Variants in SYNPR observed in about 807,000 individuals in gnomAD.
The protein encoded by SYNPR is synaptoporin.
SYNPR carries 23 observed loss-of-function variants against 32.9 expected under a neutral mutation model. The ratio of observed to expected loss-of-function variants is 0.70; its 90% CI spans 0.50 to 0.99. SYNPR has a LOEUF of 0.99. Among genes scored for constraint, SYNPR ranks in the 50% least tolerant of loss-of-function variants. The probability of loss-of-function intolerance (pLI) is 0.00; values close to 1 mark genes in which losing one functional copy is unlikely to be tolerated. For synonymous variants in SYNPR, 146 were observed against 135.9 expected (o/e 1.07, Z -0.52); for missense variants, 318 against 349.3 (o/e 0.91, Z 0.71).
At position 63,330,948 on chromosome 3, in the gene SYNPR, A is replaced by C. The variant is rs1049403914; in HGVS notation, c.84+52206A>C. On this transcript the variant is annotated intron_variant, in intron 2 of 5. Coordinates refer to ENST00000478300, the MANE Select transcript of SYNPR (RefSeq NM_001130003.2). ...CGATGAAACTGTCTGTTCAGACAAA[A>C]AAAATTAACAGTAAGAGAGACCTAC... 7.9e-5 allele frequency among the ~76,000 whole-genome samples: 12 copies of C among 152,290 alleles called. No homozygotes were observed. The South Asian group carries it at 2.1e-3, about 26-fold the overall frequency.
At chr3:63,536,394 G>A (rs1327848616) in intron 3 of SYNPR, among the ~76,000 whole-genome samples, 1 of 152,098 alleles carries the variant, frequency 6.6e-6, no homozygotes, top group Non-Finnish European at 1.5e-5. Context: ...TTAGGGAAAT[G>A]CAAATCAAAA....
At chr3:63,582,295 T>C (rs1703106643) in intron 4 of SYNPR, among the ~76,000 whole-genome samples, 1 of 152,090 alleles carries the variant, frequency 6.6e-6, no homozygotes, top group African/African-American at 2.4e-5. Context: ...TCTTTATGAG[T>C]AAGAATATCT....
intron 1 of SYNPR, among the ~76,000 whole-genome samples, chr3:63,251,275 C>T (rs4405911): frequency 0.76 from 115,287 of 151,790 alleles, 44,570 homozygotes; most frequent in Middle Eastern, 0.85. Context: ...TGTCCTGCCA[C>T]GAAAAAGTCT....
chr3:63,276,676 TA>T (rs1210044466), upstream of SYNPR, among the ~76,000 whole-genome samples: 48 of 142,722 alleles, frequency 3.4e-4, no homozygotes, highest in African/African-American at 1.2e-3. Context: ...CAACTGTTTC[TA>T]ATTGTTTTAG....
chr3:63,374,589 A>C (rs990040950), intron 2 of SYNPR, among the ~76,000 whole-genome samples: 9 of 152,190 alleles, frequency 5.9e-5, no homozygotes, highest in Non-Finnish European at 1.2e-4. Flanking sequence ...CCTAAAATAA[A>C]AGTTAAAAAA....
chr3:63,349,675 C>A (rs1396805800), intron 2 of SYNPR, among the ~76,000 whole-genome samples: 1 of 152,140 alleles, frequency 6.6e-6, no homozygotes, highest in Non-Finnish European at 1.5e-5. Context: ...TGACACTTTA[C>A]TGAATTTATA....
At chr3:63,502,770 C>T (rs1042305991) in intron 3 of SYNPR, among the ~76,000 whole-genome samples, 3 of 152,180 alleles carry the variant, frequency 2.0e-5, no homozygotes, top group African/African-American at 7.2e-5. Flanking sequence ...TTGGATGTAG[C>T]TCCTTTCTTT....
At chr3:63,365,075 T>C (rs1184787285) in intron 2 of SYNPR, among the ~76,000 whole-genome samples, 1 of 152,132 alleles carries the variant, frequency 6.6e-6, no homozygotes, top group Non-Finnish European at 1.5e-5. Context: ...GATCAGTAAT[T>C]ACAGAAACTA....
chr3:63,526,336 T>G (rs1702012492), intron 3 of SYNPR, among the ~76,000 whole-genome samples: 2 of 152,226 alleles, frequency 1.3e-5, no homozygotes, highest in South Asian at 4.1e-4. Flanking sequence ...TGCACCTCTG[T>G]GCATTATATC....
intron 2 of SYNPR, among the ~76,000 whole-genome samples, chr3:63,264,073 C>A (rs1420414833): frequency 1.3e-5 from 2 of 152,162 alleles, no homozygotes; most frequent in Non-Finnish European, 2.9e-5. Context: ...AGGCCTAAGT[C>A]TGGGTCTTTC....
At position 63,236,066 on chromosome 3, in the gene SYNPR, CT is replaced by C. The variant is rs537901577; in HGVS notation, n.66+7698del. Among the ~76,000 whole-genome samples, 364 of 86,244 alleles carry C rather than the reference CT, an allele frequency of 4.2e-3. 1 individual carries two copies. The highest frequency in any genetic ancestry group is 9.6e-3 in the African/African-American group (278 of 29,038). 56.6% of individuals were successfully genotyped at this position (86,244 alleles called of 152,430 possible). On this transcript the variant is annotated intron_variant and non_coding_transcript_variant, in intron 1 of 4. Transcript: ENST00000478456. ...TACAAGCCATATTAAGCTGAGGTTT[CT>C]TTTTTTTTTTTCTTTATGGATGCCC...
chr3:63,303,182 TAAA>T (rs34152136), intron 2 of SYNPR, among the ~76,000 whole-genome samples: 1 of 142,898 alleles, frequency 7.0e-6, no homozygotes. Flanking sequence ...GAACTCAGGG[TAAA>T]AAAAAAAAAA....
chr3:63,480,526 A>G (rs1394934067), intron 2 of SYNPR, among the ~76,000 whole-genome samples: 1 of 152,142 alleles, frequency 6.6e-6, no homozygotes, highest in Non-Finnish European at 1.5e-5. Context: ...GCCTTTGACT[A>G]TGGGATTATG....
chr3:63,275,607 C>T (rs191337086), upstream of SYNPR, among the ~76,000 whole-genome samples: 2 of 152,048 alleles, frequency 1.3e-5, no homozygotes, highest in South Asian at 2.1e-4. Context: ...TGCAAGTAGG[C>T]AATATTTTAA....
intron 2 of SYNPR, among the ~76,000 whole-genome samples, chr3:63,337,584 A>G (rs541248485): frequency 6.6e-6 from 1 of 152,332 alleles, no homozygotes; most frequent in African/African-American, 2.4e-5. Context: ...AGCTTTATTC[A>G]TAATATCCCC....
chr3:63,278,062 T>C (rs943687338), upstream of SYNPR: 1 of 155,630 alleles, frequency 6.4e-6, no homozygotes, highest in Non-Finnish European at 1.4e-5. Flanking sequence ...AAACCCCTTC[T>C]TCAGGTGGAC....
chr3:63,328,939 C>T (rs192290069), intron 2 of SYNPR, among the ~76,000 whole-genome samples: 13 of 152,284 alleles, frequency 8.5e-5, no homozygotes, highest in African/African-American at 2.4e-4. Context: ...CACTAGTCAT[C>T]GCACAATATG....
At chr3:63,220,694 C>G in the SYNPR span, among the ~76,000 whole-genome samples, 1 of 152,182 alleles carries the variant, frequency 6.6e-6, no homozygotes, top group African/African-American at 2.4e-5. Context: ...TTCCAGTACT[C>G]ATAGAACCAG....
intron 2 of SYNPR, among the ~76,000 whole-genome samples, chr3:63,258,051 G>A (rs2086403220): frequency 6.6e-6 from 1 of 152,080 alleles, no homozygotes; most frequent in African/African-American, 2.4e-5. Flanking sequence ...CCCAATACAG[G>A]AGCACCCAGA....
Sources: gnomAD v4.1 joint callset for allele counts (sites outside exome capture counted in the v4.1 genomes callset) on GRCh38, gnomAD v4.1.1 for gene constraint, MANE v1.5 for transcripts, NCBI Gene and HGNC (gene_info 2026-07-23, HGNC 2026-07-21) for gene names.